The following RBM33 variants were observed in gnomAD, a reference collection of about 807,000 sequenced individuals.
RBM33 encodes the protein RNA binding motif protein 33.
RBM33 carries 28 observed loss-of-function variants against 132.6 expected under a neutral mutation model. The observed-to-expected ratio is 0.21, with a 90% confidence interval of 0.16 to 0.29. RBM33 has a LOEUF of 0.29. Among genes scored for constraint, RBM33 ranks in the 10% least tolerant of loss-of-function variants. RBM33 has a pLI of 1.00. For synonymous variants in RBM33, 634 were observed against 593.0 expected (o/e 1.07, Z -1.01); for missense variants, 1,291 against 1,518.5 (o/e 0.85, Z 2.49).
intron 1 of RBM33, among the ~76,000 whole-genome samples, chr7:155,655,571 A>T (rs1798471986): frequency 8.7e-6 from 1 of 115,066 alleles, no homozygotes; most frequent in Admixed American, 1.2e-4. Flanking sequence ...CTGTGCTGAC[A>T]TTTGCATCAA....
rs753546924 is a variant in RBM33 at position 155,700,823 on chromosome 7, TGAA to T, written c.630_632del (p.Glu210del). The T allele has an allele frequency of 3.8e-5, 60 of 1,596,634 alleles. No homozygotes were observed. Among genetic ancestry groups the T allele is most frequent in the Middle Eastern group, 1.6e-4 (1 of 6,074 alleles). On this transcript the variant is annotated inframe_deletion, in exon 6 of 18. Coordinates refer to ENST00000401878, the MANE Select transcript of RBM33 (RefSeq NM_053043.3). ...AAAAGGACATCAAAGAAGAATCAGA[TGAA>T]GAAGAAGAAGATGATGAAGAATCTG...
intron 1 of RBM33, among the ~76,000 whole-genome samples, chr7:155,652,853 C>G (rs1038866381): frequency 6.6e-6 from 1 of 152,064 alleles, no homozygotes; most frequent in African/African-American, 2.4e-5. Flanking sequence ...CTGCTATGAA[C>G]TGGAACTTTA....
intron 7 of RBM33, among the ~76,000 whole-genome samples, chr7:155,710,813 GA>G (rs1338728122): frequency 2.6e-5 from 4 of 152,132 alleles, no homozygotes; most frequent in African/African-American, 7.2e-5. Context: ...CCTGGAGGGG[GA>G]TGCAAGGCTG....
At chr7:155,649,433 TG>T (rs560716979) in intron 1 of RBM33, among the ~76,000 whole-genome samples, 111 of 152,368 alleles carry the variant, frequency 7.3e-4, no homozygotes, top group African/African-American at 2.6e-3. Flanking sequence ...ACATATTTTC[TG>T]TATGAATCTG....
intron 12 of RBM33, among the ~76,000 whole-genome samples, chr7:155,741,168 C>T (rs1016232084): frequency 6.6e-6 from 1 of 152,056 alleles, no homozygotes; most frequent in Non-Finnish European, 1.5e-5. Flanking sequence ...GTCTCATGAC[C>T]CTCGTGCACT....
intron 5 of RBM33, among the ~76,000 whole-genome samples, chr7:155,689,458 G>A (rs1302297250): frequency 6.6e-6 from 1 of 151,972 alleles, no homozygotes; most frequent in East Asian, 1.9e-4. Context: ...AGGGTTTTTT[G>A]TATCTCTATC....
intron 16 of RBM33, among the ~76,000 whole-genome samples, chr7:155,773,317 G>T (rs949408270): frequency 6.6e-6 from 1 of 152,182 alleles, no homozygotes; most frequent in Middle Eastern, 3.4e-3. Context: ...TGTAATCCCA[G>T]CACTTTGGGA....
Position 155,766,597 on chromosome 7 carries a change from C to A in RBM33, c.3317C>A (p.Ser1106Tyr). 1 of 1,612,706 alleles carries A rather than the reference C, an allele frequency of 6.2e-7. No individual in the cohort carries two copies. Among genetic ancestry groups the A allele is most frequent in the Non-Finnish European group, 8.5e-7 (1 of 1,179,426 alleles). ...QPCVVSVEGL[S>Y]SSTTDAQLKS... Reference sequence around the variant, plus strand: ...TGCGTGGTGTCTGTGGAGGGGCTGTCCTCGTCCACCACGGATGCCCAGCTG... The same window carrying A: ...TGCGTGGTGTCTGTGGAGGGGCTGTACTCGTCCACCACGGATGCCCAGCTG... The change falls in exon 16 of 18, where the codon TCC (serine) becomes TAC (tyrosine). Residue 1106 changes from serine (S) to tyrosine (Y), a missense_variant. Physicochemically the swap from Ser to Tyr is moderately radical, Grantham distance 144. Coordinates refer to ENST00000401878, the MANE Select transcript of RBM33 (RefSeq NM_053043.3).
At chr7:155,661,095 GTGGTGTGTGTGT>G (rs1181037007) in intron 1 of RBM33, among the ~76,000 whole-genome samples, 22 of 134,252 alleles carry the variant, frequency 1.6e-4, no homozygotes, top group African/African-American at 2.3e-4. Flanking sequence ...GTGTGTGTGT[GTGGTGTGTGTGT>G]GTGTGTGTGT....
chr7:155,770,029 A>G (rs1208045132), intron 16 of RBM33, among the ~76,000 whole-genome samples: 1 of 152,198 alleles, frequency 6.6e-6, no homozygotes, highest in Non-Finnish European at 1.5e-5. Context: ...TGCGTAAGAC[A>G]GGGAAGATGG....
intron 13 of RBM33, among the ~76,000 whole-genome samples, chr7:155,742,956 A>G (rs1426543322): frequency 6.6e-6 from 1 of 152,228 alleles, no homozygotes; most frequent in Non-Finnish European, 1.5e-5. Flanking sequence ...GTCCAATAGC[A>G]ATGTCATGAA....
intron 1 of RBM33, among the ~76,000 whole-genome samples, chr7:155,661,385 G>A (rs1798645616): frequency 1.4e-5 from 2 of 148,058 alleles, no homozygotes; most frequent in Non-Finnish European, 3.0e-5. Context: ...GCCTCCTGAA[G>A]TGGTTTTTTT....
At chr7:155,728,362 C>T (rs1800854054) in intron 9 of RBM33, among the ~76,000 whole-genome samples, 1 of 152,150 alleles carries the variant, frequency 6.6e-6, no homozygotes, top group Non-Finnish European at 1.5e-5. Context: ...CCTCCCTCCT[C>T]ACTGCCCTTC....
At chr7:155,749,301 G>A (rs917694599) in intron 14 of RBM33, among the ~76,000 whole-genome samples, 1 of 152,096 alleles carries the variant, frequency 6.6e-6, no homozygotes, top group Non-Finnish European at 1.5e-5. Flanking sequence ...AATAGTAGTG[G>A]CTATTATTTA....
At chr7:155,767,454 A>G (rs73169106) in intron 16 of RBM33, among the ~76,000 whole-genome samples, 3,810 of 152,320 alleles carry the variant, frequency 0.025, 86 homozygotes, top group Non-Finnish European at 0.039. Context: ...GAGGAGTCCA[A>G]AGTGCTTTCT....
At position 155,745,277 on chromosome 7, in the gene RBM33, A is replaced by G; in HGVS notation, c.2654A>G (p.Asn885Ser). ...AAAAACCAGGATGTCAGTATTTCAA[A>G]CGTTCAGCCCAAAACATCCAATTTT... ...LVKNQDVSIS[N>S]VQPKTSNFVP... The change falls in exon 14 of 18, where the codon AAC (asparagine) becomes AGC (serine). Residue 885 changes from asparagine to serine, a missense_variant. Asn to Ser is a conservative substitution (Grantham distance 46, BLOSUM62 1). Coordinates refer to ENST00000401878, the MANE Select transcript of RBM33 (RefSeq NM_053043.3). This position sits in a 1 kb window ranked among gnomAD's most constrained non-coding sequence, Gnocchi z 4.1. The G allele has an allele frequency of 6.2e-7, 1 of 1,612,910 alleles. No homozygotes were observed. The highest frequency in any genetic ancestry group is 2.2e-5 in the East Asian group (1 of 44,878).
chr7:155,705,651 C>T (rs1296299588), intron 6 of RBM33, among the ~76,000 whole-genome samples: 1 of 152,198 alleles, frequency 6.6e-6, no homozygotes, highest in African/African-American at 2.4e-5. Flanking sequence ...TACTCAGTGA[C>T]ATTTTTAGAA....
chr7:155,652,442 G>A (rs1585395995), intron 1 of RBM33, among the ~76,000 whole-genome samples: 1 of 152,304 alleles, frequency 6.6e-6, no homozygotes, highest in African/African-American at 2.4e-5. Context: ...ATGGGCTTTG[G>A]TTTGCTGACC....
At chr7:155,647,487 G>A (rs1040621402) in intron 1 of RBM33, among the ~76,000 whole-genome samples, 2 of 152,080 alleles carry the variant, frequency 1.3e-5, no homozygotes, top group Admixed American at 1.3e-4. Context: ...CTGGAGTGCA[G>A]TCGTATAATC....
Sources: allele counts gnomAD v4.1 joint callset (sites outside exome capture counted in the v4.1 genomes callset), GRCh38; gene constraint gnomAD v4.1.1; non-coding constraint Gnocchi (gnomAD v3.1); transcripts MANE v1.5; gene names NCBI Gene and HGNC (gene_info 2026-07-23, HGNC 2026-07-21).